Variants in TDRD6 observed in about 807,000 individuals in gnomAD.
TDRD6 encodes tudor domain-containing protein 6.
A neutral mutation model predicts 157.5 loss-of-function variants in TDRD6; 186 were observed. The observed-to-expected ratio is 1.18, with a 90% CI of 1.05 to 1.33. The LOEUF (loss-of-function observed/expected upper bound fraction) is 1.33. Ranked by LOEUF, TDRD6 falls within the 40% of genes most tolerant of loss-of-function variation. The pLI is 0.00. For synonymous variants in TDRD6, 1,075 were observed against 945.2 expected (o/e 1.14, Z -2.52); for missense variants, 3,066 against 2,508.0 (o/e 1.22, Z -4.75).
In TDRD6 at chr6:46,690,221, T is replaced by C. The variant is rs1218900866; in HGVS notation, c.2093T>C (p.Ile698Thr). 2 of 1,613,808 alleles carry C rather than the reference T, an allele frequency of 1.2e-6. No homozygotes were observed. Among genetic ancestry groups the C allele is most frequent in the Admixed American group, 3.3e-5 (2 of 60,012 alleles). Reference protein sequence around the residue: ...SNHFTTESNKIPFAKTGEGEQ... With the variant: ...SNHFTTESNKTPFAKTGEGEQ... ...CACTTTACTACGGAGAGTAACAAAA[T>C]ACCTTTTGCCAAGACTGGAGAAGGA... The change falls in exon 1 of 4, where the codon ATA (isoleucine) becomes ACA (threonine). Residue 698 changes from isoleucine (I) to threonine (T), a missense_variant. Physicochemically the swap from Ile to Thr is moderately conservative, Grantham distance 89 (BLOSUM62 -1). Transcript: ENST00000316081.
At position 46,690,953 on chromosome 6, in the gene TDRD6, C is replaced by T; in HGVS notation, c.2825C>T (p.Thr942Ile). 3 of 1,614,124 alleles carry T rather than the reference C, an allele frequency of 1.9e-6. No individual in the cohort carries two copies. Among genetic ancestry groups the T allele is most frequent in the East Asian group, 2.2e-5 (1 of 44,872 alleles). ...CTGTTTAACATTGTGGATTTGCTAA[C>T]CCCCTTTCAGAGTGCATGCCATTTC... ...EELFNIVDLL[T>I]PFQSACHFLV... Residue 942 changes from threonine (T) to isoleucine (I), a missense_variant, in exon 1 of 4, where the codon ACC (threonine) becomes ATC (isoleucine). Thr to Ile is a moderately conservative substitution (Grantham distance 89). Coordinates refer to ENST00000316081, the MANE Select transcript of TDRD6 (RefSeq NM_001010870.3).
Position 46,693,695 on chromosome 6 carries a change from T to C in TDRD6, c.5567T>C (p.Leu1856Ser). ...TTCTTAGAACTGGAATCTATTGAGT[T>C]ACAGAATTCTCTGGTGGTGGATGAA... ...KEFLELESIE[L>S]QNSLVVDEEK... Residue 1856 changes from leucine (L) to serine (S), a missense_variant, in exon 1 of 4, where the codon TTA becomes TCA. Leu to Ser is a moderately radical substitution (Grantham distance 145). Transcript: ENST00000316081. 1 of 1,614,174 alleles carries C rather than the reference T, an allele frequency of 6.2e-7. No individual in the cohort carries two copies. The highest frequency in any genetic ancestry group is 8.5e-7 in the Non-Finnish European group (1 of 1,180,036).
chr6:46,688,912 C>A lies in TDRD6; in HGVS notation c.784C>A (p.Pro262Thr). ...EAVVITQVCH[P>T]HRIHCQLRSV... Reference sequence around the variant, plus strand: ...CGTGGTCATAACCCAAGTGTGCCATCCCCACCGCATTCACTGCCAGCTCCG... The same window carrying A: ...CGTGGTCATAACCCAAGTGTGCCATACCCACCGCATTCACTGCCAGCTCCG... Residue 262 changes from proline (P) to threonine (T), a missense_variant, in exon 1 of 4, where the codon CCC becomes ACC. Pro to Thr is a conservative substitution (Grantham distance 38, BLOSUM62 -1). Transcript: ENST00000316081. 3 of 1,607,794 alleles carry A rather than the reference C, an allele frequency of 1.9e-6. No homozygotes were observed. The highest frequency in any genetic ancestry group is 2.6e-6 in the Non-Finnish European group (3 of 1,176,110).
chr6:46,684,687 A>G (rs999730327), upstream of TDRD6, among the ~76,000 whole-genome samples: 2 of 151,856 alleles, frequency 1.3e-5, no homozygotes, highest in African/African-American at 4.8e-5. Context: ...TCAATAATTC[A>G]TTTTCCTTGT....
chr6:46,681,270 CA>C, the TDRD6 span, among the ~76,000 whole-genome samples: 3 of 152,124 alleles, frequency 2.0e-5, no homozygotes, highest in Non-Finnish European at 4.4e-5. Context: ...GTGTTTAAAA[CA>C]TGTCATAATT....
In TDRD6 at chr6:46,692,083, G is replaced by C. The variant is rs1217215655; in HGVS notation, c.3955G>C (p.Asp1319His). The C allele has an allele frequency of 1.2e-6, 2 of 1,612,784 alleles. No individual in the cohort carries two copies. The highest frequency in any genetic ancestry group is 1.7e-6 in the Non-Finnish European group (2 of 1,179,536). The change falls in exon 1 of 4, where the codon GAC becomes CAC. Residue 1319 changes from aspartate to histidine, a missense_variant. Coordinates refer to ENST00000316081, the MANE Select transcript of TDRD6 (RefSeq NM_001010870.3). ...VYVSHINDLS[D>H]FYVQLIEDEA... The stretch of plus-strand genomic sequence containing the variant: ...TGTTTCTCATATAAATGACCTTTCA[G>C]ACTTTTATGTTCAACTAATAGAAGA...
In TDRD6 at chr6:46,691,438, C is replaced by A; in HGVS notation, c.3310C>A (p.Pro1104Thr). 1 of 1,614,012 alleles carries A rather than the reference C, an allele frequency of 6.2e-7. No homozygotes were observed. The highest frequency in any genetic ancestry group is 8.5e-7 in the Non-Finnish European group (1 of 1,179,958). The change falls in exon 1 of 4, where the codon CCT becomes ACT. Residue 1104 changes from proline to threonine, a missense_variant. By Grantham distance (38) the Pro-to-Thr change is conservative. Coordinates refer to ENST00000316081, the MANE Select transcript of TDRD6 (RefSeq NM_001010870.3). ...TGTCAGATGTTCATTATCTGATATT[C>A]CTGATCATATACCAGAAGAAGTGGT... ...QAVRCSLSDI[P>T]DHIPEEVVVW...
chr6:46,692,660 T>A lies in TDRD6; in HGVS notation c.4532T>A (p.Leu1511His), dbSNP rs1380335229. The A allele has an allele frequency of 1.9e-6, 3 of 1,613,498 alleles. No homozygotes were observed. The highest frequency in any genetic ancestry group is 2.5e-6 in the Non-Finnish European group (3 of 1,179,898). The change falls in exon 1 of 4, where the codon CTT (leucine) becomes CAT (histidine). Residue 1511 changes from leucine to histidine, a missense_variant. Coordinates refer to ENST00000316081, the MANE Select transcript of TDRD6 (RefSeq NM_001010870.3). ...NKSDIDTSVF[L>H]NWYNPEKKMI... is the part of the protein sequence containing the mutation. ...TCAGACATTGACACTTCAGTATTTCTTAACTGGTATAATCCAGAAAAAAAA... is the reference window on the plus strand; with the variant it reads ...TCAGACATTGACACTTCAGTATTTCATAACTGGTATAATCCAGAAAAAAAA...
At chr6:46,696,558 T>A (rs1582550798) in intron 2 of TDRD6, among the ~76,000 whole-genome samples, 2 of 61,158 alleles carry the variant, frequency 3.3e-5, no homozygotes, top group South Asian at 6.4e-4. Context: ...TATATGTGTG[T>A]GTGTGTGTGT....
At chr6:46,683,230 A>G (rs913014552), upstream of TDRD6, among the ~76,000 whole-genome samples, 2 of 152,038 alleles carry the variant, frequency 1.3e-5, no homozygotes, top group Non-Finnish European at 2.9e-5. Context: ...TAGTCTTTGC[A>G]ACAAATGGCA....
chr6:46,698,159 T>C, intron 3 of TDRD6, 72 bp downstream of exon 3: 1 of 1,151,742 alleles, frequency 8.7e-7, no homozygotes, highest in Non-Finnish European at 1.3e-6. Flanking sequence ...AACAAACTAT[T>C]TCCAAAGTCC....
chr6:46,691,906 G>A lies in TDRD6; in HGVS notation c.3778G>A (p.Glu1260Lys). ...VFPLTTEKKE[E>K]ISAETPLKTA... is the part of the protein sequence containing the mutation. ...TCCATTAACAACAGAAAAGAAAGAA[G>A]AAATTTCTGCTGAGACACCCTTGAA... The change falls in exon 1 of 4, where the codon GAA becomes AAA. Residue 1260 changes from glutamate to lysine, a missense_variant. Glu to Lys is a moderately conservative substitution (Grantham distance 56, BLOSUM62 1). Transcript: ENST00000316081. 6.3e-7 allele frequency: 1 copy of A among 1,594,638 alleles called. No individual in the cohort carries two copies. Among genetic ancestry groups the A allele is most frequent in the Non-Finnish European group, 8.5e-7 (1 of 1,174,758 alleles).
rs1427947693 is a variant in TDRD6, at chr6:46,702,066, T to A, written c.*179T>A. 5.2e-6 allele frequency: 3 copies of A among 574,064 alleles called. No individual in the cohort carries two copies. Among genetic ancestry groups the A allele is most frequent in the Non-Finnish European group, 9.3e-6 (3 of 324,258 alleles). 35.6% of individuals were successfully genotyped at this position (574,064 alleles called of 1,614,324 possible). ...GGTCTCAGGTTGATGGTGGGGTGTG[T>A]TTATAGTGATCCTGTTATATATACA... is the stretch of plus-strand genomic sequence containing the variant. On this transcript the variant is annotated 3_prime_UTR_variant, in exon 4 of 4. Transcript: ENST00000316081.
In TDRD6 at chr6:46,692,663, A is replaced by G. The variant is rs1764369327; in HGVS notation, c.4535A>G (p.Asn1512Ser). The G allele has an allele frequency of 6.2e-7, 1 of 1,613,598 alleles. No individual in the cohort carries two copies. Among genetic ancestry groups the G allele is most frequent in the Admixed American group, 1.7e-5 (1 of 59,874 alleles). The change falls in exon 1 of 4, where the codon AAC becomes AGC. Residue 1512 changes from asparagine to serine, a missense_variant. Coordinates refer to ENST00000316081, the MANE Select transcript of TDRD6 (RefSeq NM_001010870.3). Reference sequence around the variant, plus strand: ...GACATTGACACTTCAGTATTTCTTAACTGGTATAATCCAGAAAAAAAAATG... The same window carrying G: ...GACATTGACACTTCAGTATTTCTTAGCTGGTATAATCCAGAAAAAAAAATG... ...KSDIDTSVFL[N>S]WYNPEKKMIR... is the part of the protein sequence containing the mutation.
At position 46,688,774 on chromosome 6, in the gene TDRD6, G is replaced by T. The variant is rs1211673045; in HGVS notation, c.646G>T (p.Ala216Ser). ...RSLLERYLTAATASVGSGVPV... is the reference protein window; with the variant it reads ...RSLLERYLTASTASVGSGVPV... ...GCTGCTGGAGCGCTATCTCACAGCG[G>T]CCACTGCTAGCGTGGGCTCCGGGGT... is the stretch of plus-strand genomic sequence containing the variant. The change falls in exon 1 of 4, where the codon GCC becomes TCC. Residue 216 changes from alanine to serine, a missense_variant. Ala to Ser is a moderately conservative substitution (Grantham distance 99). Transcript: ENST00000316081. 2 of 1,607,696 alleles carry T rather than the reference G, an allele frequency of 1.2e-6. No individual in the cohort carries two copies. Among genetic ancestry groups the T allele is most frequent in the Non-Finnish European group, 1.7e-6 (2 of 1,179,904 alleles).
intron 1 of TDRD6, 45 bp downstream of exon 1, chr6:46,694,219 T>C: frequency 1.0e-6 from 1 of 1,000,554 alleles, no homozygotes. Context: ...TTTTTTTTTT[T>C]TGAGACAGGG....
Position 46,688,657 on chromosome 6 carries a change from C to T in TDRD6, c.529C>T (p.His177Tyr), listed in dbSNP as rs866498543. 2 of 1,599,628 alleles carry T rather than the reference C, an allele frequency of 1.3e-6. No homozygotes were observed. The highest frequency in any genetic ancestry group is 1.7e-6 in the Non-Finnish European group (2 of 1,179,878). Residue 177 changes from histidine (H) to tyrosine (Y), a missense_variant, in exon 1 of 4, where the codon CAT becomes TAT. Transcript: ENST00000316081. Reference protein sequence around the residue: ...HGCVLDVLLLHRLVLLEVPDV... With the variant: ...HGCVLDVLLLYRLVLLEVPDV... ...GTGCGTCCTGGACGTGCTGCTGCTCCATCGCCTGGTCCTCCTGGAGGTGCC... is the reference window on the plus strand; with the variant it reads ...GTGCGTCCTGGACGTGCTGCTGCTCTATCGCCTGGTCCTCCTGGAGGTGCC...
Position 46,693,641 on chromosome 6 carries a change from C to G in TDRD6, c.5513C>G (p.Pro1838Arg), listed in dbSNP as rs201037130. The G allele has an allele frequency of 2.5e-6, 4 of 1,614,104 alleles. No homozygotes were observed. The highest frequency in any genetic ancestry group is 2.7e-5 in the African/African-American group (2 of 75,028). Reference sequence around the variant, plus strand: ...CTAGAACTGAATTCACTTGAGGTGCCGCTTTCTCCTGATGATGAATCAAAA... The same window carrying G: ...CTAGAACTGAATTCACTTGAGGTGCGGCTTTCTCCTGATGATGAATCAAAA... ...EILELNSLEV[P>R]LSPDDESKEF... Residue 1838 changes from proline (P) to arginine (R), a missense_variant, in exon 1 of 4, where the codon CCG (proline) becomes CGG (arginine). By Grantham distance (103) the Pro-to-Arg change is moderately radical. Transcript: ENST00000316081.
In TDRD6 at chr6:46,704,063, A is replaced by T; in HGVS notation, c.*2176A>T. 6.3e-6 allele frequency: 1 copy of T among 157,626 alleles called. No homozygotes were observed. The highest frequency in any genetic ancestry group is 6.1e-5 in the Admixed American group (1 of 16,274). 9.8% of individuals were successfully genotyped at this position (157,626 alleles called of 1,614,324 possible). A position where few individuals can be genotyped will look rare whatever the true frequency, so the allele number is the denominator to read the frequency against. ...TCTAATTTTTCTTACCGTGACCAAA[A>T]GTCAAAGAGAAGAGCTGCCAAATTC... On this transcript the variant is annotated 3_prime_UTR_variant, in exon 4 of 4. Transcript: ENST00000316081.
Sources: gnomAD v4.1 joint callset for allele counts (sites outside exome capture counted in the v4.1 genomes callset) on GRCh38, gnomAD v4.1.1 for gene constraint, MANE v1.5 for transcripts, NCBI Gene and HGNC (gene_info 2026-07-23, HGNC 2026-07-21) for gene names.